EHBP1: variants seen among roughly 807,000 people sequenced by gnomAD.
EHBP1 encodes the protein EH domain-binding protein 1.
A neutral mutation model predicts 144.0 loss-of-function variants in EHBP1; 55 were observed. That is an observed-to-expected ratio of 0.38 (90% CI 0.31 to 0.48). EHBP1 has a LOEUF of 0.48. Ranked by LOEUF, EHBP1 falls within the 20% of genes least tolerant of loss-of-function variation. The pLI, the probability that EHBP1 is intolerant of heterozygous loss-of-function variation, is 0.98. For missense variants in EHBP1, 1,200 were observed against 1,364.2 expected (o/e 0.88, Z 1.90); for synonymous variants, 469 against 472.7 (o/e 0.99, Z 0.10).
intron 5 of EHBP1, among the ~76,000 whole-genome samples, chr2:62,798,770 C>T (rs1465700521): frequency 6.6e-5 from 10 of 151,590 alleles, no homozygotes; most frequent in South Asian, 2.1e-4. Flanking sequence ...TTTGGGAGGC[C>T]GAGGTGGGCG....
chr2:62,784,472 C>G (rs938448430), intron 5 of EHBP1, among the ~76,000 whole-genome samples: 1 of 152,134 alleles, frequency 6.6e-6, no homozygotes, highest in Non-Finnish European at 1.5e-5. Context: ...AGAGGCAGAT[C>G]TGTAAGCAAA....
intron 2 of EHBP1, among the ~76,000 whole-genome samples, chr2:62,720,060 A>G (rs779284285): frequency 6.6e-6 from 1 of 152,208 alleles, no homozygotes; most frequent in South Asian, 2.1e-4. Flanking sequence ...GCAGTGTCCA[A>G]TCTAATTCTC....
intron 7 of EHBP1, among the ~76,000 whole-genome samples, chr2:62,857,102 C>G (rs2049121815): frequency 6.6e-6 from 1 of 152,094 alleles, no homozygotes; most frequent in South Asian, 2.1e-4. Flanking sequence ...CCTATAGGCT[C>G]CAGAAAGGAA....
chr2:62,754,778 C>G (rs989814574), intron 3 of EHBP1, among the ~76,000 whole-genome samples: 4 of 152,192 alleles, frequency 2.6e-5, no homozygotes, highest in Non-Finnish European at 4.4e-5. Context: ...GGCGTGGGAC[C>G]CTCCGAGCCA....
chr2:62,716,760 A>G (rs2035723838), intron 2 of EHBP1, among the ~76,000 whole-genome samples: 1 of 152,166 alleles, frequency 6.6e-6, no homozygotes, highest in African/African-American at 2.4e-5. Context: ...GGAAGGTCTG[A>G]GGTCCCTTTC....
Position 62,836,819 on chromosome 2 carries a change from C to T in EHBP1, c.634+5661C>T, listed in dbSNP as rs1439700376. Among the ~76,000 whole-genome samples the T allele has an allele frequency of 3.3e-4, 50 of 151,080 alleles. 1 individual carries two copies. Among genetic ancestry groups the T allele is most frequent in the African/African-American group, 1.2e-3 (48 of 41,068 alleles). ...GAATAAAAAGAAATGAGCAAAGCCT[C>T]CAAGAAATATGGGACTATGTGAAAA... On this transcript the variant is annotated intron_variant, in intron 7 of 22. Coordinates refer to ENST00000431489, the MANE Select transcript of EHBP1 (RefSeq NM_001142616.3).
chr2:62,674,181 C>T (rs1455901289), intron 1 of EHBP1: 1 of 470,266 alleles, frequency 2.1e-6, no homozygotes, highest in African/African-American at 2.0e-5. Flanking sequence ...TCCTTGATAA[C>T]CTAGATTTTC....
At chr2:62,795,503 A>G (rs2043473036) in intron 5 of EHBP1, among the ~76,000 whole-genome samples, 1 of 152,008 alleles carries the variant, frequency 6.6e-6, no homozygotes, top group Non-Finnish European at 1.5e-5. Context: ...TCCTTTCTCC[A>G]TAAGGTTCTT....
Position 62,948,522 on chromosome 2 carries a change from A to G in EHBP1, c.1676A>G (p.Glu559Gly), listed in dbSNP as rs1006745547. The G allele has an allele frequency of 6.2e-7, 1 of 1,614,142 alleles. No homozygotes were observed. The highest frequency in any genetic ancestry group is 1.3e-5 in the African/African-American group (1 of 75,068). Residue 559 changes from glutamate to glycine, a missense_variant, in exon 13 of 23, where the codon GAG (glutamate) becomes GGG (glycine). Glu to Gly is a moderately conservative substitution (Grantham distance 98). Transcript: ENST00000431489. ...FYAELSDLKR[E>G]PELQQPISGA... is the part of the protein sequence containing the mutation. Reference sequence around the variant, plus strand: ...GCAGAGCTTAGTGATCTGAAGCGGGAGCCTGAACTACAACAGCCTATCAGC... The same window carrying G: ...GCAGAGCTTAGTGATCTGAAGCGGGGGCCTGAACTACAACAGCCTATCAGC...
chr2:62,955,211 G>C (rs757841905), intron 13 of EHBP1, among the ~76,000 whole-genome samples: 11 of 152,150 alleles, frequency 7.2e-5, no homozygotes, highest in East Asian at 1.9e-4. Context: ...CTGTGTTTAT[G>C]AGCAAATACT....
At chr2:62,725,245 T>C (rs2036644374) in intron 2 of EHBP1, among the ~76,000 whole-genome samples, 1 of 152,168 alleles carries the variant, frequency 6.6e-6, no homozygotes, top group Non-Finnish European at 1.5e-5. Flanking sequence ...CCATCCTCAT[T>C]TGCTTGTGCC....
chr2:62,929,529 A>G (rs1380952218), intron 10 of EHBP1, among the ~76,000 whole-genome samples: 2 of 152,194 alleles, frequency 1.3e-5, no homozygotes, highest in Admixed American at 6.5e-5. Context: ...ATACCCTTTC[A>G]TGATTAAAAA....
intron 7 of EHBP1, among the ~76,000 whole-genome samples, chr2:62,837,636 T>C (rs1253282040): frequency 4.1e-5 from 6 of 145,998 alleles, no homozygotes; most frequent in Admixed American, 4.1e-4. Flanking sequence ...AATAAAAGGA[T>C]GGAGGAAGAT....
At chr2:63,040,785 G>C (rs1206258903) in intron 21 of EHBP1, among the ~76,000 whole-genome samples, 2 of 152,226 alleles carry the variant, frequency 1.3e-5, no homozygotes, top group African/African-American at 4.8e-5. Flanking sequence ...AGCCTGGGCA[G>C]TACATGGGCT....
At chr2:63,017,840 T>C (rs1194725926) in intron 19 of EHBP1, among the ~76,000 whole-genome samples, 1 of 152,200 alleles carries the variant, frequency 6.6e-6, no homozygotes, top group Non-Finnish European at 1.5e-5. Flanking sequence ...ACATATAGTT[T>C]AAAGAAAATA....
intron 2 of EHBP1, among the ~76,000 whole-genome samples, chr2:62,714,249 G>T (rs1472116917): frequency 1.3e-5 from 2 of 152,168 alleles, no homozygotes; most frequent in African/African-American, 4.8e-5. Flanking sequence ...GAAAGAAAAA[G>T]TTTGCTGACT....
chr2:62,678,455 T>C (rs1196166853), intron 1 of EHBP1, among the ~76,000 whole-genome samples: 1 of 152,218 alleles, frequency 6.6e-6, no homozygotes, highest in Non-Finnish European at 1.5e-5. Context: ...TTGTTAATGT[T>C]TCCTTTGCTG....
At chr2:62,710,628 CATT>C in intron 2 of EHBP1, among the ~76,000 whole-genome samples, 1 of 151,840 alleles carries the variant, frequency 6.6e-6, no homozygotes, top group African/African-American at 2.4e-5. Flanking sequence ...TCTTTTTGTT[CATT>C]ATTTCACACA....
chr2:62,842,676 G>C (rs575109797), intron 7 of EHBP1, among the ~76,000 whole-genome samples: 7 of 152,250 alleles, frequency 4.6e-5, no homozygotes, highest in South Asian at 2.1e-4. Context: ...TATAGACTGA[G>C]TTTTTATAAT....
Sources: gnomAD v4.1 joint callset for allele counts (sites outside exome capture counted in the v4.1 genomes callset) on GRCh38, gnomAD v4.1.1 for gene constraint, MANE v1.5 for transcripts, NCBI Gene and HGNC (gene_info 2026-07-23, HGNC 2026-07-21) for gene names.